The following SUDS3 variants were observed in gnomAD, a reference collection of about 807,000 sequenced individuals.
SUDS3 encodes the protein SIN3A corepressor complex component SDS3.
Under a neutral mutation model 53.5 loss-of-function variants are expected in SUDS3, and 23 were observed. The ratio of observed to expected loss-of-function variants is 0.43; its 90% CI spans 0.31 to 0.61. The LOEUF (loss-of-function observed/expected upper bound fraction) is 0.61, where lower values mean the gene tolerates loss of function less well. SUDS3 is among the 20% of genes least tolerant of loss of function. SUDS3 has a pLI of 0.10. For synonymous variants in SUDS3, 150 were observed against 148.5 expected (o/e 1.01, Z -0.08); for missense variants, 291 against 405.9 (o/e 0.72, Z 2.43).
rs1351922100 is a variant in SUDS3 at position 118,415,456 on chromosome 12, C to G, written c.*1023C>G. The G allele has an allele frequency of 6.6e-6, 1 of 152,098 alleles. No homozygotes were observed. Among genetic ancestry groups the G allele is most frequent in the African/African-American group, 2.4e-5 (1 of 41,408 alleles). The allele number at this position is 152,098 out of a possible 1,614,324, so 9.4% of individuals were successfully genotyped here. A position where few individuals can be genotyped will look rare whatever the true frequency, so the allele number is the denominator to read the frequency against. On this transcript the variant is annotated 3_prime_UTR_variant, in exon 12 of 12. Transcript: ENST00000543473. ...TGAGCGCTCACAGCTTCATTTGGCC[C>G]AGGTTGAAGACAAGGAAAGCTCTGC...
Position 118,417,327 on chromosome 12 carries a change from T to G in SUDS3, c.*2894T>G, listed in dbSNP as rs768863345. 4 of 152,242 alleles carry G rather than the reference T, an allele frequency of 2.6e-5. No individual in the cohort carries two copies. The highest frequency in any genetic ancestry group is 5.9e-5 in the Non-Finnish European group (4 of 68,040). 9.4% of individuals were successfully genotyped at this position (152,242 alleles called of 1,614,324 possible). On this transcript the variant is annotated 3_prime_UTR_variant, in exon 12 of 12. Coordinates refer to ENST00000543473, the MANE Select transcript of SUDS3 (RefSeq NM_022491.3). Reference sequence around the variant, plus strand: ...CCTGTGTTCAGGACTGGGTGACTTTTCTAAGAAATATGGGGTTTAGAATGG... The same window carrying G: ...CCTGTGTTCAGGACTGGGTGACTTTGCTAAGAAATATGGGGTTTAGAATGG...
At position 118,410,583 on chromosome 12, in the gene SUDS3, T is replaced by A. The variant is rs200803763; in HGVS notation, c.804-490T>A. On this transcript the variant is annotated intron_variant, in intron 10 of 11. Transcript: ENST00000543473. ...TATTTATTTATTTATTTATTTATTT[T>A]ATTTATTTATTTATTTATTTATTTA... Among the ~76,000 whole-genome samples the A allele has an allele frequency of 7.3e-3, 998 of 136,044 alleles. 8 individuals carry two copies. The highest frequency in any genetic ancestry group is 0.026 in the African/African-American group (866 of 33,678). The allele number at this position is 136,044 out of a possible 152,430, so 89.3% of individuals were successfully genotyped here.
Position 118,417,973 on chromosome 12 carries a change from C to G in SUDS3, c.*3540C>G, listed in dbSNP as rs548372231. Reference sequence around the variant, plus strand: ...GTTGCAGATAAAAGTCATTAAAAATCAAGTGAATAGAATGGATCTTGGGTG... The same window carrying G: ...GTTGCAGATAAAAGTCATTAAAAATGAAGTGAATAGAATGGATCTTGGGTG... On this transcript the variant is annotated 3_prime_UTR_variant, in exon 12 of 12. Coordinates refer to ENST00000543473, the MANE Select transcript of SUDS3 (RefSeq NM_022491.3). 21 of 152,228 alleles carry G rather than the reference C, an allele frequency of 1.4e-4. No individual in the cohort carries two copies. Among genetic ancestry groups the G allele is most frequent in the African/African-American group, 4.3e-4 (18 of 41,554 alleles). 9.4% of individuals were successfully genotyped at this position (152,228 alleles called of 1,614,324 possible). A position where few individuals can be genotyped will look rare whatever the true frequency, so the allele number is the denominator to read the frequency against.
intron 10 of SUDS3, 110 bp downstream of exon 10, chr12:118,403,627 G>A: frequency 3.7e-6 from 3 of 802,124 alleles, no homozygotes; most frequent in Non-Finnish European, 6.1e-6. Flanking sequence ...AACTTACATA[G>A]TACTAAAAGT....
At chr12:118,411,578 A>G (rs534787398) in intron 11 of SUDS3, among the ~76,000 whole-genome samples, 1 of 152,038 alleles carries the variant, frequency 6.6e-6, no homozygotes, top group African/African-American at 2.4e-5. Context: ...GCTCACTGCA[A>G]CTTCCACCTC....
intron 4 of SUDS3, among the ~76,000 whole-genome samples, chr12:118,389,542 C>T (rs1307620500): frequency 6.9e-6 from 1 of 144,628 alleles, no homozygotes; most frequent in African/African-American, 2.6e-5. Context: ...GACCAGGTTT[C>T]GCTCTGTCAC....
At position 118,389,923 on chromosome 12, in the gene SUDS3, G is replaced by T. The variant is rs2046150535; in HGVS notation, c.341-4G>T. ...AATCTAATTGCACTTTTTATCTCTT[G>T]CAGAACTCTTCCTCCAGCTGGAAGT... On this transcript the variant is annotated splice_polypyrimidine_tract_variant and splice_region_variant and intron_variant, in intron 4 of 11. Coordinates refer to ENST00000543473, the MANE Select transcript of SUDS3 (RefSeq NM_022491.3). The T allele has an allele frequency of 6.2e-7, 1 of 1,613,880 alleles. No homozygotes were observed. The highest frequency in any genetic ancestry group is 1.3e-5 in the African/African-American group (1 of 74,928).
chr12:118,392,668 A>T (rs933576258), intron 6 of SUDS3, among the ~76,000 whole-genome samples: 1 of 152,142 alleles, frequency 6.6e-6, no homozygotes, highest in Non-Finnish European at 1.5e-5. Flanking sequence ...CGGCTTTTGG[A>T]CCTGCACACC....
chr12:118,400,527 T>C, intron 6 of SUDS3, 132 bp from the exon 7 acceptor site: 1 of 784,952 alleles, frequency 1.3e-6, no homozygotes, highest in Non-Finnish European at 2.2e-6. Context: ...GCTACGACCA[T>C]GTGTAGAACA....
At chr12:118,391,347 A>AG in intron 6 of SUDS3, 65 bp downstream of exon 6, 2 of 1,521,954 alleles carry the variant, frequency 1.3e-6, no homozygotes, top group Admixed American at 4.4e-5. Context: ...GGGCTGTTCC[A>AG]GTTACTTTTG....
rs1001307867 is a variant in SUDS3, at chr12:118,416,271, A to G, written c.*1838A>G. ...TTGAAGGTGGAGTTTTTCAATGATC[A>G]TGTGTTTTGTCCTCCTAAACAGTAT... On this transcript the variant is annotated 3_prime_UTR_variant, in exon 12 of 12. Coordinates refer to ENST00000543473, the MANE Select transcript of SUDS3 (RefSeq NM_022491.3). 2.6e-5 allele frequency: 4 copies of G among 152,278 alleles called. No homozygotes were observed. Among genetic ancestry groups the G allele is most frequent in the East Asian group, 3.9e-4 (2 of 5,182 alleles). 9.4% of individuals were successfully genotyped at this position (152,278 alleles called of 1,614,324 possible).
At chr12:118,395,448 G>A (rs555578145) in intron 6 of SUDS3, among the ~76,000 whole-genome samples, 2 of 151,552 alleles carry the variant, frequency 1.3e-5, no homozygotes, top group South Asian at 2.1e-4. Context: ...GGATGGTCTC[G>A]ATCTCCTGAC....
intron 11 of SUDS3, among the ~76,000 whole-genome samples, chr12:118,411,794 C>T (rs1438825467): frequency 1.3e-5 from 2 of 152,074 alleles, no homozygotes; most frequent in African/African-American, 4.8e-5. Context: ...AGCCACCACA[C>T]CTGGCCAACT....
chr12:118,391,332 G>GT (rs2046166353), intron 6 of SUDS3, 50 bp downstream of exon 6: 2 of 1,548,772 alleles, frequency 1.3e-6, no homozygotes, highest in South Asian at 1.3e-5. Flanking sequence ...GCGGGGGGGT[G>GT]TGAAGGGCTG....
chr12:118,389,243 C>T (rs2046143140), intron 4 of SUDS3, among the ~76,000 whole-genome samples: 1 of 152,104 alleles, frequency 6.6e-6, no homozygotes, highest in Non-Finnish European at 1.5e-5. Flanking sequence ...TGCCCCCCTA[C>T]CCTGCCCCAG....
intron 9 of SUDS3, 118 bp downstream of exon 9, chr12:118,402,122 T>A: frequency 1.7e-6 from 2 of 1,188,776 alleles, no homozygotes; most frequent in Non-Finnish European, 2.5e-6. Context: ...ATCATTTGCC[T>A]AAGAGTAGTC....
intron 6 of SUDS3, 87 bp from the exon 7 acceptor site, chr12:118,400,572 T>TG (rs986489763): frequency 3.3e-5 from 42 of 1,254,742 alleles, no homozygotes; most frequent in Non-Finnish European, 4.4e-5. Flanking sequence ...ATTGGGTGGC[T>TG]GGGGGGCAGA....
intron 4 of SUDS3, among the ~76,000 whole-genome samples, chr12:118,388,373 G>C (rs1343079293): frequency 5.3e-5 from 8 of 152,110 alleles, no homozygotes; most frequent in Non-Finnish European, 1.0e-4. Context: ...TTTGCAAAGG[G>C]GCCCCTGGTA....
intron 10 of SUDS3, among the ~76,000 whole-genome samples, chr12:118,408,275 C>G (rs1016192280): frequency 7.9e-5 from 12 of 151,694 alleles, no homozygotes; most frequent in African/African-American, 2.7e-4. Context: ...CTCAGGCAAT[C>G]CACCCACCTT....
Sources: allele counts gnomAD v4.1 joint callset (sites outside exome capture counted in the v4.1 genomes callset), GRCh38; gene constraint gnomAD v4.1.1; transcripts MANE v1.5; gene names NCBI Gene and HGNC (gene_info 2026-07-23, HGNC 2026-07-21).